The following MAP2K1 variants were observed in gnomAD, a reference collection of about 807,000 sequenced individuals.
MAP2K1 encodes the protein dual specificity mitogen-activated protein kinase kinase 1.
Under a neutral mutation model 46.3 loss-of-function variants are expected in MAP2K1, and 16 were observed. That is an observed-to-expected ratio of 0.35 (90% CI 0.23 to 0.52). The LOEUF is 0.52. Ranked by LOEUF, MAP2K1 falls within the 20% of genes least tolerant of loss-of-function variation. The pLI, the probability that MAP2K1 is intolerant of heterozygous loss-of-function variation, is 0.94. For synonymous variants in MAP2K1, 183 were observed against 185.6 expected (o/e 0.99, Z 0.11); for missense variants, 263 against 497.1 (o/e 0.53, Z 4.48).
At chr15:66,478,421 G>GT in intron 5 of MAP2K1, among the ~76,000 whole-genome samples, 1 of 123,538 alleles carries the variant, frequency 8.1e-6, no homozygotes, top group African/African-American at 2.8e-5. Flanking sequence ...TATACACACA[G>GT]GTATATATAT....
At chr15:66,477,735 C>T (rs1892789146) in intron 5 of MAP2K1, among the ~76,000 whole-genome samples, 1 of 152,102 alleles carries the variant, frequency 6.6e-6, no homozygotes, top group African/African-American at 2.4e-5. Flanking sequence ...GGTGAGGGAG[C>T]CTGGTGCCGT....
At chr15:66,397,956 G>T (rs1461490653) in intron 1 of MAP2K1, among the ~76,000 whole-genome samples, 2 of 152,182 alleles carry the variant, frequency 1.3e-5, no homozygotes, top group Non-Finnish European at 2.9e-5. Flanking sequence ...ACAAAAATTA[G>T]CCAGGTGTGG....
At chr15:66,475,989 G>A (rs1892746861) in intron 5 of MAP2K1, among the ~76,000 whole-genome samples, 1 of 152,178 alleles carries the variant, frequency 6.6e-6, no homozygotes, top group South Asian at 2.1e-4. Context: ...GCTCTTGAGG[G>A]AAAAATCAGG....
At chr15:66,489,493 G>A (rs543317652) in intron 9 of MAP2K1, 43 of 664,516 alleles carry the variant, frequency 6.5e-5, no homozygotes, top group Non-Finnish European at 9.7e-5. Flanking sequence ...GCTCCTTTTG[G>A]TACTTGCTCT....
chr15:66,408,545 G>A (rs1003139065), intron 1 of MAP2K1, among the ~76,000 whole-genome samples: 4 of 152,042 alleles, frequency 2.6e-5, no homozygotes, highest in African/African-American at 9.7e-5. Context: ...CGTGTGTGTG[G>A]GGGTGGTATG....
intron 1 of MAP2K1, among the ~76,000 whole-genome samples, chr15:66,421,351 G>T (rs1220855101): frequency 6.6e-6 from 1 of 151,792 alleles, no homozygotes; most frequent in Non-Finnish European, 1.5e-5. Context: ...GCCCAGGCTG[G>T]TCTCAAACTC....
At chr15:66,479,750 C>G (rs1892868449) in intron 5 of MAP2K1, among the ~76,000 whole-genome samples, 1 of 152,182 alleles carries the variant, frequency 6.6e-6, no homozygotes. Context: ...GTGAGGCAGA[C>G]AGCCAACGTC....
At chr15:66,416,928 T>C (rs1420043814) in intron 1 of MAP2K1, among the ~76,000 whole-genome samples, 1 of 152,160 alleles carries the variant, frequency 6.6e-6, no homozygotes, top group Non-Finnish European at 1.5e-5. Flanking sequence ...AAACAAGCTT[T>C]TCTCATTTTA....
chr15:66,468,124 G>A (rs924435076), intron 5 of MAP2K1, among the ~76,000 whole-genome samples: 6 of 152,262 alleles, frequency 3.9e-5, no homozygotes, highest in Non-Finnish European at 7.4e-5. Flanking sequence ...TAAGGTATTT[G>A]ATTTGTGCTT....
At chr15:66,490,253 A>G in intron 10 of MAP2K1, 1 of 630,380 alleles carries the variant, frequency 1.6e-6, no homozygotes. Context: ...TTTAAGGCAG[A>G]GTTACTGTCT....
chr15:66,452,486 G>C (rs968981047), intron 5 of MAP2K1, among the ~76,000 whole-genome samples: 1 of 152,046 alleles, frequency 6.6e-6, no homozygotes, highest in African/African-American at 2.4e-5. Context: ...TTCCATGTTA[G>C]AATATTTTAA....
At chr15:66,447,532 AAC>A (rs1363549429) in intron 5 of MAP2K1, among the ~76,000 whole-genome samples, 3 of 151,496 alleles carry the variant, frequency 2.0e-5, no homozygotes, top group Non-Finnish European at 4.4e-5. Flanking sequence ...CTCCACTAAA[AAC>A]ACAAAAATTA....
intron 5 of MAP2K1, among the ~76,000 whole-genome samples, chr15:66,454,270 C>T (rs1054285279): frequency 3.3e-5 from 5 of 151,184 alleles, no homozygotes; most frequent in Non-Finnish European, 7.4e-5. Flanking sequence ...TTGGGAGGAG[C>T]TATGAAATAT....
chr15:66,469,724 A>ACACACACACACACACACACACACAC, intron 5 of MAP2K1, among the ~76,000 whole-genome samples: 1 of 98,290 alleles, frequency 1.0e-5, no homozygotes, highest in African/African-American at 2.9e-5. Flanking sequence ...ACACACACAC[A>ACACACACACACACACACACACACAC]TATCGGATGT....
At chr15:66,397,346 C>G (rs2093370634) in intron 1 of MAP2K1, among the ~76,000 whole-genome samples, 1 of 152,098 alleles carries the variant, frequency 6.6e-6, no homozygotes, top group Non-Finnish European at 1.5e-5. Context: ...ATCACTTAAC[C>G]TCACTGAGCC....
intron 1 of MAP2K1, among the ~76,000 whole-genome samples, chr15:66,399,938 T>C (rs2093377468): frequency 6.6e-6 from 1 of 152,054 alleles, no homozygotes; most frequent in African/African-American, 2.4e-5. Context: ...TCAGGGGGTA[T>C]ATGTGCAGGT....
At chr15:66,440,996 T>C (rs949707926) in intron 3 of MAP2K1, among the ~76,000 whole-genome samples, 2 of 152,186 alleles carry the variant, frequency 1.3e-5, no homozygotes, top group African/African-American at 4.8e-5. Flanking sequence ...ACGGTCTTGC[T>C]CTGTTGCCCA....
chr15:66,479,599 G>T (rs1892864750), intron 5 of MAP2K1, among the ~76,000 whole-genome samples: 1 of 152,156 alleles, frequency 6.6e-6, no homozygotes, highest in Non-Finnish European at 1.5e-5. Flanking sequence ...ACATGATGAG[G>T]GCTGGGTCTT....
chr15:66,438,987 T>C (rs74022008), intron 3 of MAP2K1, among the ~76,000 whole-genome samples: 2,097 of 152,264 alleles, frequency 0.014, 49 homozygotes, highest in African/African-American at 0.048. Context: ...AGCGTCTAGA[T>C]GGGACCATGT....
Sources: gnomAD v4.1 joint callset for allele counts (sites outside exome capture counted in the v4.1 genomes callset) on GRCh38, gnomAD v4.1.1 for gene constraint, MANE v1.5 for transcripts, NCBI Gene and HGNC (gene_info 2026-07-23, HGNC 2026-07-21) for gene names.